Variants in NKAIN2 observed in about 807,000 individuals in gnomAD.
NKAIN2 encodes the protein sodium/potassium transporting ATPase interacting 2.
Under a neutral mutation model 32.6 loss-of-function variants are expected in NKAIN2, and 14 were observed. The observed-to-expected ratio is 0.43, with a 90% CI of 0.28 to 0.67. The LOEUF (loss-of-function observed/expected upper bound fraction) is 0.67, where lower values mean the gene tolerates loss of function less well. NKAIN2 is among the 30% of genes least tolerant of loss of function. NKAIN2 has a pLI of 0.17. For synonymous variants in NKAIN2, 80 were observed against 87.2 expected (o/e 0.92, Z 0.46); for missense variants, 198 against 258.3 (o/e 0.77, Z 1.60).
intron 1 of NKAIN2, among the ~76,000 whole-genome samples, chr6:124,193,384 G>A (rs949482890): frequency 3.3e-5 from 5 of 152,180 alleles, no homozygotes; most frequent in Admixed American, 1.3e-4. Context: ...AGCTCCAGGC[G>A]CCAACATGAG....
At chr6:124,166,851 G>A (rs1216190269) in intron 1 of NKAIN2, among the ~76,000 whole-genome samples, 1 of 144,130 alleles carries the variant, frequency 6.9e-6, no homozygotes, top group East Asian at 2.1e-4. Context: ...TATTTCTGAG[G>A]GCTCTGTTCT....
chr6:124,496,655 G>A (rs1229904843), intron 3 of NKAIN2, among the ~76,000 whole-genome samples: 1 of 152,092 alleles, frequency 6.6e-6, no homozygotes, highest in Non-Finnish European at 1.5e-5. Context: ...TTTGAGGTGA[G>A]GTGTGGGCTG....
At chr6:124,247,140 A>C (rs1793450965) in intron 1 of NKAIN2, among the ~76,000 whole-genome samples, 1 of 152,004 alleles carries the variant, frequency 6.6e-6, no homozygotes, top group Non-Finnish European at 1.5e-5. Flanking sequence ...ATGTGATTAG[A>C]TTGTGCCCAC....
At chr6:124,092,335 C>T (rs993682155) in intron 1 of NKAIN2, among the ~76,000 whole-genome samples, 1 of 151,964 alleles carries the variant, frequency 6.6e-6, no homozygotes, top group Non-Finnish European at 1.5e-5. Context: ...TTGGTTTTAT[C>T]TCTAAATCTA....
chr6:124,556,315 T>C (rs74522704), intron 3 of NKAIN2, among the ~76,000 whole-genome samples: 1,923 of 152,302 alleles, frequency 0.013, 31 homozygotes, highest in South Asian at 0.027. Context: ...TAGGGTGCTG[T>C]GGTTTAAATG....
chr6:124,513,175 A>G (rs1778781799), intron 3 of NKAIN2, among the ~76,000 whole-genome samples: 8 of 152,168 alleles, frequency 5.3e-5, no homozygotes. Context: ...AACTAAAATA[A>G]TGTGAAAAGT....
At chr6:124,226,612 C>A (rs1792125376) in intron 1 of NKAIN2, among the ~76,000 whole-genome samples, 2 of 151,958 alleles carry the variant, frequency 1.3e-5, no homozygotes, top group African/African-American at 4.8e-5. Context: ...TCCCCCTCCT[C>A]TCCTTCATTT....
chr6:123,992,773 G>A (rs113698674), intron 1 of NKAIN2, among the ~76,000 whole-genome samples: 219 of 152,256 alleles, frequency 1.4e-3, no homozygotes, highest in African/African-American at 5.0e-3. Context: ...AACTAAAATG[G>A]CCTTTATTAG....
chr6:124,334,463 A>C (rs375630923), intron 2 of NKAIN2, among the ~76,000 whole-genome samples: 4 of 152,186 alleles, frequency 2.6e-5, no homozygotes, highest in African/African-American at 7.2e-5. Flanking sequence ...TCTTAAAGAA[A>C]GATAATTTGG....
chr6:124,394,345 C>T (rs559433376), intron 3 of NKAIN2, among the ~76,000 whole-genome samples: 17 of 151,948 alleles, frequency 1.1e-4, no homozygotes, highest in Non-Finnish European at 2.1e-4. Context: ...TTCTTGGCTT[C>T]CTTTAACAGC....
At chr6:123,902,920 T>C (rs978694001) in intron 1 of NKAIN2, among the ~76,000 whole-genome samples, 9 of 152,354 alleles carry the variant, frequency 5.9e-5, no homozygotes, top group Admixed American at 5.9e-4. Context: ...CTTAAAAATA[T>C]ACAGAGCCTT....
chr6:124,782,566 G>A (rs1779319218), intron 4 of NKAIN2, among the ~76,000 whole-genome samples: 1 of 152,050 alleles, frequency 6.6e-6, no homozygotes, highest in Admixed American at 6.6e-5. Context: ...GAAATTCATG[G>A]ATCCTTCTTT....
At chr6:124,310,729 T>A (rs1796679212) in intron 2 of NKAIN2, among the ~76,000 whole-genome samples, 1 of 152,164 alleles carries the variant, frequency 6.6e-6, no homozygotes, top group African/African-American at 2.4e-5. Flanking sequence ...AGTGAATAAT[T>A]ATGATCTTGA....
intron 3 of NKAIN2, among the ~76,000 whole-genome samples, chr6:124,445,946 C>G (rs918933326): frequency 2.0e-5 from 3 of 152,032 alleles, no homozygotes; most frequent in Non-Finnish European, 4.4e-5. Flanking sequence ...TAAAGTTCAT[C>G]AAAATCAAAA....
chr6:124,187,233 G>A (rs1789790201), intron 1 of NKAIN2, among the ~76,000 whole-genome samples: 2 of 152,224 alleles, frequency 1.3e-5, no homozygotes, highest in South Asian at 4.1e-4. Flanking sequence ...GATTAGAGAT[G>A]ACTTCATAAC....
At chr6:124,167,697 G>C (rs190237846) in intron 1 of NKAIN2, among the ~76,000 whole-genome samples, 2 of 151,850 alleles carry the variant, frequency 1.3e-5, no homozygotes, top group African/African-American at 4.8e-5. Flanking sequence ...TGTCCCATCA[G>C]TACCTAATTT....
intron 3 of NKAIN2, among the ~76,000 whole-genome samples, chr6:124,629,185 A>G (rs1783468136): frequency 6.6e-6 from 1 of 152,154 alleles, no homozygotes; most frequent in African/African-American, 2.4e-5. Context: ...GTACCTTTTC[A>G]TTTCCCCTCA....
At chr6:124,754,803 T>C (rs183910544) in intron 4 of NKAIN2, among the ~76,000 whole-genome samples, 1 of 152,182 alleles carries the variant, frequency 6.6e-6, no homozygotes, top group East Asian at 1.9e-4. Context: ...CAAAGGAATA[T>C]AAATCATTCT....
At chr6:124,313,082 A>G (rs1455895123) in intron 2 of NKAIN2, among the ~76,000 whole-genome samples, 1 of 152,166 alleles carries the variant, frequency 6.6e-6, no homozygotes, top group Admixed American at 6.5e-5. Flanking sequence ...CCATTTATAC[A>G]TATAATATCA....
Sources: allele counts gnomAD v4.1 joint callset (sites outside exome capture counted in the v4.1 genomes callset), GRCh38; gene constraint gnomAD v4.1.1; transcripts MANE v1.5; gene names NCBI Gene and HGNC (gene_info 2026-07-23, HGNC 2026-07-21).